The following ZNF704 variants were observed in gnomAD, a reference collection of about 807,000 sequenced individuals.
The protein encoded by ZNF704 is zinc finger protein 704.
In ZNF704, 10 loss-of-function variants were observed where a neutral mutation model predicts 44.7. The observed-to-expected ratio is 0.22, with a 90% CI of 0.14 to 0.38. The LOEUF is 0.38. Ranked by LOEUF, ZNF704 falls within the 10% of genes least tolerant of loss-of-function variation. The pLI is 1.00. For missense variants in ZNF704, 390 were observed against 545.5 expected, an observed-to-expected ratio of 0.71 and a Z score of 2.84; for synonymous variants, 211 against 207.6, an observed-to-expected ratio of 1.02 and a Z score of -0.14.
Position 80,793,481 on chromosome 8 carries a change from A to G in ZNF704, c.221+27893T>C, listed in dbSNP as rs536778751. Among the ~76,000 whole-genome samples, 104 of 152,278 alleles carry G rather than the reference A, an allele frequency of 6.8e-4. 1 individual carries two copies. Among genetic ancestry groups the G allele is most frequent in the African/African-American group, 2.4e-3 (101 of 41,558 alleles). ...GATATTCATGAAATACATTCATAAT[A>G]TATTAATTATTATATTAAAAAGTTC... is the stretch of plus-strand genomic sequence containing the variant. On this transcript the variant is annotated intron_variant, in intron 2 of 8. Coordinates refer to ENST00000327835, the MANE Select transcript of ZNF704 (RefSeq NM_001033723.3).
intron 2 of ZNF704, among the ~76,000 whole-genome samples, chr8:80,801,536 G>A (rs1807899041): frequency 6.6e-6 from 1 of 152,126 alleles, no homozygotes. Flanking sequence ...CAACTACATG[G>A]AAATTGAACA....
At chr8:80,868,406 T>C (rs1262525357) in intron 1 of ZNF704, among the ~76,000 whole-genome samples, 1 of 152,214 alleles carries the variant, frequency 6.6e-6, no homozygotes, top group African/African-American at 2.4e-5. Flanking sequence ...CTATCTCTGT[T>C]TCCTCAGCCC....
At chr8:80,856,683 A>G (rs544756010) in intron 1 of ZNF704, among the ~76,000 whole-genome samples, 50 of 152,214 alleles carry the variant, frequency 3.3e-4, no homozygotes, top group African/African-American at 1.2e-3. Flanking sequence ...TGTTGGGTCT[A>G]TTTTGGGGTT....
intron 2 of ZNF704, among the ~76,000 whole-genome samples, chr8:80,815,691 T>C (rs992569203): frequency 5.9e-5 from 9 of 152,226 alleles, no homozygotes; most frequent in African/African-American, 1.2e-4. Context: ...AGGTCTGTCA[T>C]TGGTGAAATA....
chr8:80,839,074 T>C (rs193294116), intron 1 of ZNF704, among the ~76,000 whole-genome samples: 123 of 152,320 alleles, frequency 8.1e-4, no homozygotes, highest in Non-Finnish European at 1.5e-3. Flanking sequence ...TTTTTCATAA[T>C]TGAAATTCCC....
chr8:80,751,968 T>C (rs983045046), intron 2 of ZNF704, among the ~76,000 whole-genome samples: 2 of 152,144 alleles, frequency 1.3e-5, no homozygotes, highest in Non-Finnish European at 2.9e-5. Flanking sequence ...GGTCTCAAAC[T>C]CCTGACCTCA....
At chr8:80,664,299 G>C (rs1818151442) in intron 6 of ZNF704, among the ~76,000 whole-genome samples, 2 of 145,358 alleles carry the variant, frequency 1.4e-5, no homozygotes, top group African/African-American at 5.2e-5. Flanking sequence ...TTGAGACAGA[G>C]TTTTTCTTGT....
chr8:80,701,955 G>A (rs1330597598), intron 2 of ZNF704, among the ~76,000 whole-genome samples: 1 of 152,116 alleles, frequency 6.6e-6, no homozygotes, highest in Non-Finnish European at 1.5e-5. Flanking sequence ...GTTCTTTGAG[G>A]AAGTTAGAGT....
In ZNF704 at chr8:80,758,654, C is replaced by T. The variant is rs1461823384; in HGVS notation, c.221+62720G>A. Among the ~76,000 whole-genome samples the T allele has an allele frequency of 3.9e-5, 6 of 152,242 alleles. No individual in the cohort carries two copies. The East Asian group carries it at 7.7e-4, about 20-fold the overall frequency. ...GATGAAAGCTACATATACTGTCTTA[C>T]GTGTGCTATCTCATTTAAACTTTAT... On this transcript the variant is annotated intron_variant, in intron 2 of 8. Coordinates refer to ENST00000327835, the MANE Select transcript of ZNF704 (RefSeq NM_001033723.3).
chr8:80,780,763 C>G (rs1351275902), intron 2 of ZNF704, among the ~76,000 whole-genome samples: 2 of 152,208 alleles, frequency 1.3e-5, no homozygotes, highest in Non-Finnish European at 2.9e-5. Flanking sequence ...CTGAAAAAGG[C>G]AAAGAATGGG....
intron 2 of ZNF704, among the ~76,000 whole-genome samples, chr8:80,730,476 T>A (rs1048674100): frequency 1.4e-5 from 2 of 139,296 alleles, no homozygotes; most frequent in African/African-American, 5.4e-5. Flanking sequence ...GAGGCGGAGG[T>A]TGCAGTGAGC....
intron 6 of ZNF704, among the ~76,000 whole-genome samples, chr8:80,663,775 G>A (rs1308309730): frequency 6.6e-6 from 1 of 152,080 alleles, no homozygotes; most frequent in African/African-American, 2.4e-5. Context: ...CACCCAGGCT[G>A]GAGTGCAGTG....
intron 1 of ZNF704, among the ~76,000 whole-genome samples, chr8:80,867,033 G>C (rs1397219756): frequency 6.6e-6 from 1 of 152,264 alleles, no homozygotes; most frequent in South Asian, 2.1e-4. Context: ...GTAAAATGCT[G>C]GTGAAGGAGA....
In ZNF704 at chr8:80,742,919, T is replaced by C. The variant is rs1460406069; in HGVS notation, c.222-49812A>G. Reference sequence around the variant, plus strand: ...CCGACTAAGAATCCCCAAGCCTAGCTGGGAAGGTGACGCATCCACCTTTAA... The same window carrying C: ...CCGACTAAGAATCCCCAAGCCTAGCCGGGAAGGTGACGCATCCACCTTTAA... On this transcript the variant is annotated intron_variant, in intron 2 of 8. Coordinates refer to ENST00000327835, the MANE Select transcript of ZNF704 (RefSeq NM_001033723.3). Among the ~76,000 whole-genome samples, 12 of 151,948 alleles carry C rather than the reference T, an allele frequency of 7.9e-5. 1 individual carries two copies. Among genetic ancestry groups the C allele is most frequent in the Admixed American group, 7.9e-4 (12 of 15,252 alleles).
chr8:80,708,283 A>G (rs1460320495), intron 2 of ZNF704, among the ~76,000 whole-genome samples: 1 of 152,244 alleles, frequency 6.6e-6, no homozygotes, highest in East Asian at 1.9e-4. Context: ...TCCCCAAACG[A>G]ATAAGCAGAA....
intron 7 of ZNF704, among the ~76,000 whole-genome samples, chr8:80,645,815 G>C (rs1817822042): frequency 6.6e-6 from 1 of 152,134 alleles, no homozygotes; most frequent in Non-Finnish European, 1.5e-5. Context: ...GCCTAATAGA[G>C]ATCATCAGTG....
chr8:80,690,431 TA>T (rs1363765217), intron 3 of ZNF704, among the ~76,000 whole-genome samples: 1 of 152,220 alleles, frequency 6.6e-6, no homozygotes, highest in African/African-American at 2.4e-5. Context: ...TCCAGGGTTT[TA>T]AAATTTTTTA....
chr8:80,870,871 T>C (rs923495221), intron 1 of ZNF704, among the ~76,000 whole-genome samples: 2 of 152,152 alleles, frequency 1.3e-5, no homozygotes, highest in African/African-American at 2.4e-5. Flanking sequence ...CTCCACCTGG[T>C]TGTCCAATAG....
intron 1 of ZNF704, among the ~76,000 whole-genome samples, chr8:80,833,717 G>A (rs1808508452): frequency 6.6e-6 from 1 of 152,156 alleles, no homozygotes; most frequent in Admixed American, 6.5e-5. Context: ...GACTGGTTTG[G>A]TGGTAGTGGT....
Sources: gnomAD v4.1 joint callset for allele counts (sites outside exome capture counted in the v4.1 genomes callset) on GRCh38, gnomAD v4.1.1 for gene constraint, MANE v1.5 for transcripts, NCBI Gene and HGNC (gene_info 2026-07-23, HGNC 2026-07-21) for gene names.